MYT1L: variants seen among roughly 807,000 people sequenced by gnomAD.
MYT1L encodes the protein myelin transcription factor 1-like protein.
Under a neutral mutation model 126.7 loss-of-function variants are expected in MYT1L, and 12 were observed. That is an observed-to-expected ratio of 0.09 (90% CI 0.06 to 0.15). The LOEUF (loss-of-function observed/expected upper bound fraction) is 0.15. Ranked by LOEUF, MYT1L falls within the 10% of genes least tolerant of loss-of-function variation. The probability of loss-of-function intolerance (pLI) is 1.00; values close to 1 mark genes in which losing one functional copy is unlikely to be tolerated. For synonymous variants in MYT1L, 541 were observed against 604.2 expected (o/e 0.90, Z 1.53); for missense variants, 979 against 1,585.2 (o/e 0.62, Z 6.49).
Position 1,790,226 on chromosome 2 carries a change from T to A in MYT1L, c.*1641A>T, listed in dbSNP as rs77532691. 6.7e-6 allele frequency: 1 copy of A among 149,122 alleles called. No individual in the cohort carries two copies. The highest frequency in any genetic ancestry group is 1.5e-5 in the Non-Finnish European group (1 of 67,192). 9.2% of individuals were successfully genotyped at this position (149,122 alleles called of 1,614,324 possible). A position where few individuals can be genotyped will look rare whatever the true frequency, so the allele number is the denominator to read the frequency against. ...TGTTCTGCTAAAAATATTTTTTTTT[T>A]ATTTTTACAAAACCCATCTTTTTTT... On this transcript the variant is annotated 3_prime_UTR_variant, in exon 25 of 25. Coordinates refer to ENST00000647738, the MANE Select transcript of MYT1L (RefSeq NM_001303052.2).
intron 1 of MYT1L, among the ~76,000 whole-genome samples, chr2:2,306,993 G>T (rs1467844004): frequency 6.6e-6 from 1 of 152,166 alleles, no homozygotes; most frequent in African/African-American, 2.4e-5. Context: ...ATGTGGAAAA[G>T]TGGCATTTTA....
At position 2,183,367 on chromosome 2, in the gene MYT1L, C is replaced by T. The variant is rs375646487; in HGVS notation, c.-420-10379G>A. ...TCTGTGCAGGGAGAATAAGTTCCCA[C>T]GGGAGGGGAGGAGAGAAAGGGTGGG... On this transcript the variant is annotated intron_variant, in intron 2 of 24. Transcript: ENST00000647738. 6.6e-5 allele frequency among the ~76,000 whole-genome samples: 10 copies of T among 151,872 alleles called. No individual in the cohort carries two copies. The East Asian group carries it at 1.2e-3, about 18-fold the overall frequency.
intron 3 of MYT1L, among the ~76,000 whole-genome samples, chr2:2,066,552 C>A (rs2073904445): frequency 6.6e-6 from 1 of 152,156 alleles, no homozygotes; most frequent in Non-Finnish European, 1.5e-5. Flanking sequence ...TGCTGACCTA[C>A]AAACTACTGA....
intron 2 of MYT1L, among the ~76,000 whole-genome samples, chr2:2,256,617 C>T (rs1021967931): frequency 5.3e-5 from 8 of 152,208 alleles, no homozygotes; most frequent in African/African-American, 1.4e-4. Context: ...ACCTTTAGAA[C>T]ATTGTGCAGA....
chr2:1,947,938 C>A (rs545487235), intron 8 of MYT1L, among the ~76,000 whole-genome samples: 1 of 152,218 alleles, frequency 6.6e-6, no homozygotes, highest in East Asian at 1.9e-4. Flanking sequence ...GCACACCACA[C>A]GACCAAGGGC....
chr2:2,064,079 A>T (rs1180604060), intron 3 of MYT1L, among the ~76,000 whole-genome samples: 3 of 152,224 alleles, frequency 2.0e-5, no homozygotes, highest in African/African-American at 4.8e-5. Flanking sequence ...GTCAGTTTGT[A>T]TGTGATATCT....
intron 23 of MYT1L, among the ~76,000 whole-genome samples, chr2:1,794,674 CAG>C (rs2033043093): frequency 6.6e-6 from 1 of 152,206 alleles, no homozygotes; most frequent in African/African-American, 2.4e-5. Flanking sequence ...TCTGCAGAGG[CAG>C]AGATATCTTC....
intron 9 of MYT1L, among the ~76,000 whole-genome samples, chr2:1,924,121 G>A (rs532531951): frequency 1.3e-5 from 2 of 152,126 alleles, no homozygotes; most frequent in African/African-American, 4.8e-5. Context: ...CTTGGTGAGC[G>A]GGTATAATGT....
intron 5 of MYT1L, among the ~76,000 whole-genome samples, chr2:1,980,778 G>A (rs982538939): frequency 1.3e-5 from 2 of 152,130 alleles, no homozygotes; most frequent in African/African-American, 4.8e-5. Context: ...ATGCTGTTGC[G>A]TGGTAAATAT....
At chr2:2,262,861 A>G (rs1457663406) in intron 2 of MYT1L, among the ~76,000 whole-genome samples, 2 of 131,734 alleles carry the variant, frequency 1.5e-5, no homozygotes, top group Non-Finnish European at 3.2e-5. Context: ...TATGTTATGA[A>G]CAGTGATTTA....
chr2:2,099,315 G>C (rs1045637413), intron 3 of MYT1L, among the ~76,000 whole-genome samples: 2 of 151,648 alleles, frequency 1.3e-5, no homozygotes, highest in African/African-American at 4.8e-5. Context: ...TCCCAGGGGA[G>C]TTTATGCTTC....
intron 3 of MYT1L, among the ~76,000 whole-genome samples, chr2:2,138,647 G>C: frequency 7.7e-6 from 1 of 130,138 alleles, no homozygotes; most frequent in African/African-American, 2.9e-5. Flanking sequence ...TGAACAATGA[G>C]AACACATGGA....
chr2:1,843,226 C>T (rs1572777412), intron 19 of MYT1L, among the ~76,000 whole-genome samples: 1 of 152,358 alleles, frequency 6.6e-6, no homozygotes, highest in South Asian at 2.1e-4. Context: ...ACAGTGCGGC[C>T]GCTGCAGGCT....
intron 8 of MYT1L, among the ~76,000 whole-genome samples, chr2:1,970,875 A>C (rs1558583958): frequency 6.6e-6 from 1 of 152,234 alleles, no homozygotes; most frequent in African/African-American, 2.4e-5. Context: ...AGTTCAAGAA[A>C]TCAGAACAAG....
At chr2:2,322,089 A>G (rs558746109) in intron 1 of MYT1L, among the ~76,000 whole-genome samples, 2 of 152,320 alleles carry the variant, frequency 1.3e-5, no homozygotes, top group Non-Finnish European at 2.9e-5. Context: ...TAAGAGTGTG[A>G]AAATACATGA....
chr2:2,024,604 T>C (rs922434826), intron 4 of MYT1L, among the ~76,000 whole-genome samples: 2 of 152,216 alleles, frequency 1.3e-5, no homozygotes, highest in East Asian at 1.9e-4. Context: ...AAACAACTCA[T>C]AAAGCTTTAT....
At chr2:2,220,751 C>T (rs956733399) in intron 2 of MYT1L, among the ~76,000 whole-genome samples, 3 of 151,928 alleles carry the variant, frequency 2.0e-5, no homozygotes, top group East Asian at 1.9e-4. Flanking sequence ...AAGCAAGTCA[C>T]GATATATATA....
At position 2,249,197 on chromosome 2, in the gene MYT1L, A is replaced by T. The variant is rs372694835; in HGVS notation, c.-421+35207T>A. On this transcript the variant is annotated intron_variant, in intron 2 of 24. Coordinates refer to ENST00000647738, the MANE Select transcript of MYT1L (RefSeq NM_001303052.2). ...TGCAGGATACAAAATTAACATACAC[A>T]AATAAGTTGCATTTTTATATGTCAA... 2.0e-5 allele frequency among the ~76,000 whole-genome samples: 3 copies of T among 152,206 alleles called. No individual in the cohort carries two copies. The East Asian group carries it at 5.8e-4, about 29-fold the overall frequency.
At chr2:1,999,207 A>C (rs921159257) in intron 4 of MYT1L, among the ~76,000 whole-genome samples, 1 of 152,206 alleles carries the variant, frequency 6.6e-6, no homozygotes, top group African/African-American at 2.4e-5. Flanking sequence ...ACTGGATACC[A>C]ATTTATTAAT....
Sources: allele counts gnomAD v4.1 joint callset (sites outside exome capture counted in the v4.1 genomes callset), GRCh38; gene constraint gnomAD v4.1.1; transcripts MANE v1.5; gene names NCBI Gene and HGNC (gene_info 2026-07-23, HGNC 2026-07-21).